Variants in ERBB4 observed in about 807,000 individuals in gnomAD.
ERBB4 encodes the protein receptor tyrosine-protein kinase erbB-4.
Under a neutral mutation model 158.0 loss-of-function variants are expected in ERBB4, and 42 were observed. That is an observed-to-expected ratio of 0.27 (90% CI 0.21 to 0.34). The LOEUF (loss-of-function observed/expected upper bound fraction) is 0.34. Ranked by LOEUF, ERBB4 falls within the 10% of genes least tolerant of loss-of-function variation. The probability of loss-of-function intolerance (pLI) is 1.00; values close to 1 mark genes in which losing one functional copy is unlikely to be tolerated. For missense variants in ERBB4, 1,333 were observed against 1,624.1 expected, an observed-to-expected ratio of 0.82 and a Z score of 3.08; for synonymous variants, 583 against 558.7, an observed-to-expected ratio of 1.04 and a Z score of -0.61.
intron 3 of ERBB4, among the ~76,000 whole-genome samples, chr2:211,809,667 G>A (rs2105911884): frequency 6.6e-6 from 1 of 152,170 alleles, no homozygotes; most frequent in Admixed American, 6.5e-5. Flanking sequence ...TTTTTTTGAA[G>A]GGGTTTTGGG....
At chr2:212,441,365 C>T (rs1560330103) in intron 1 of ERBB4, among the ~76,000 whole-genome samples, 2 of 152,164 alleles carry the variant, frequency 1.3e-5, no homozygotes. Context: ...ATAGCCTCCC[C>T]TGAGGCAGTT....
intron 12 of ERBB4, among the ~76,000 whole-genome samples, chr2:211,682,986 G>T (rs1303369489): frequency 6.7e-6 from 1 of 150,364 alleles, no homozygotes; most frequent in East Asian, 1.9e-4. Flanking sequence ...TGGATAAATT[G>T]ATTATTAAAA....
chr2:211,908,850 C>G (rs2079466446), intron 3 of ERBB4, among the ~76,000 whole-genome samples: 1 of 151,490 alleles, frequency 6.6e-6, no homozygotes, highest in Non-Finnish European at 1.5e-5. Flanking sequence ...ATAGACTTGG[C>G]CTTTATTTAT....
intron 2 of ERBB4, among the ~76,000 whole-genome samples, chr2:211,952,863 A>G (rs2685006): frequency 0.4 from 61,324 of 151,728 alleles, 14,237 homozygotes; most frequent in African/African-American, 0.64. Flanking sequence ...AACTGCCTGC[A>G]GACAATCTGA....
chr2:211,954,706 T>C (rs1439579426), intron 2 of ERBB4, among the ~76,000 whole-genome samples: 1 of 152,076 alleles, frequency 6.6e-6, no homozygotes, highest in Non-Finnish European at 1.5e-5. Flanking sequence ...GCAGAATTTA[T>C]GTGTTCTCTG....
At chr2:212,442,845 A>C (rs533798320) in intron 1 of ERBB4, among the ~76,000 whole-genome samples, 1 of 152,354 alleles carries the variant, frequency 6.6e-6, no homozygotes, top group South Asian at 2.1e-4. Context: ...GAAGGACTGC[A>C]GAGATTAGCG....
At chr2:211,661,328 G>A (rs900123110) in intron 15 of ERBB4, among the ~76,000 whole-genome samples, 1 of 151,958 alleles carries the variant, frequency 6.6e-6, no homozygotes. Flanking sequence ...CAGAACAACA[G>A]AAACACAAAA....
chr2:212,077,380 C>T (rs945177762), intron 2 of ERBB4, among the ~76,000 whole-genome samples: 2 of 151,816 alleles, frequency 1.3e-5, no homozygotes, highest in Non-Finnish European at 2.9e-5. Context: ...TTCAGATGCT[C>T]ATCAACAGTA....
chr2:211,608,857 C>A (rs773003078), intron 19 of ERBB4, among the ~76,000 whole-genome samples: 1 of 152,114 alleles, frequency 6.6e-6, no homozygotes, highest in Non-Finnish European at 1.5e-5. Context: ...TTAATATATT[C>A]AGTTAATTTG....
intron 3 of ERBB4, among the ~76,000 whole-genome samples, chr2:211,843,090 G>A (rs1276154889): frequency 2.0e-5 from 3 of 152,052 alleles, no homozygotes; most frequent in Non-Finnish European, 4.4e-5. Context: ...ACTAACATAA[G>A]TTCTATGTTA....
intron 20 of ERBB4, among the ~76,000 whole-genome samples, chr2:211,480,560 C>T (rs758191228): frequency 2.4e-4 from 37 of 152,088 alleles, no homozygotes; most frequent in Non-Finnish European, 4.7e-4. Flanking sequence ...GCTGCCTGTA[C>T]AAGCCATGGA....
chr2:211,831,226 AG>A (rs1206233648), intron 3 of ERBB4, among the ~76,000 whole-genome samples: 1 of 152,164 alleles, frequency 6.6e-6, no homozygotes, highest in Non-Finnish European at 1.5e-5. Flanking sequence ...TCAAAATTTC[AG>A]AGTTAAGTGG....
At chr2:211,830,289 G>C (rs1009670677) in intron 3 of ERBB4, among the ~76,000 whole-genome samples, 1 of 152,064 alleles carries the variant, frequency 6.6e-6, no homozygotes, top group Non-Finnish European at 1.5e-5. Context: ...GGCATCATCA[G>C]TATCTGCTTC....
chr2:211,704,958 GTTTTT>G (rs1263805077), intron 10 of ERBB4, among the ~76,000 whole-genome samples: 1 of 151,804 alleles, frequency 6.6e-6, no homozygotes, highest in Non-Finnish European at 1.5e-5. Flanking sequence ...GTTTTGTTTT[GTTTTT>G]TGTTGTTATT....
chr2:211,606,233 C>A (rs375349861), intron 19 of ERBB4, among the ~76,000 whole-genome samples: 8 of 151,948 alleles, frequency 5.3e-5, no homozygotes, highest in Non-Finnish European at 7.4e-5. Flanking sequence ...ACCCTGCTAG[C>A]GGAATTATAT....
intron 12 of ERBB4, among the ~76,000 whole-genome samples, chr2:211,697,203 C>T (rs973644702): frequency 6.6e-6 from 1 of 152,098 alleles, no homozygotes; most frequent in African/African-American, 2.4e-5. Flanking sequence ...TAGAGTCTGG[C>T]ACCTTTTAGC....
chr2:212,168,922 C>T (rs2081428508), intron 1 of ERBB4, among the ~76,000 whole-genome samples: 1 of 151,956 alleles, frequency 6.6e-6, no homozygotes, highest in African/African-American at 2.4e-5. Context: ...ATAGAAGTAC[C>T]TAAAGATTTT....
At chr2:211,722,670 G>T in intron 6 of ERBB4, 136 bp from the exon 7 acceptor site, 1 of 951,054 alleles carries the variant, frequency 1.1e-6, no homozygotes, top group Non-Finnish European at 1.6e-6. Flanking sequence ...TAAGAGTCAT[G>T]TGTGTTTCCA....
intron 2 of ERBB4, among the ~76,000 whole-genome samples, chr2:212,024,894 A>G (rs1036338574): frequency 6.6e-6 from 1 of 151,868 alleles, no homozygotes; most frequent in Non-Finnish European, 1.5e-5. Context: ...AGGACAATTT[A>G]GTTCACATTC....
Sources: gnomAD v4.1 joint callset for allele counts (sites outside exome capture counted in the v4.1 genomes callset) on GRCh38, gnomAD v4.1.1 for gene constraint, MANE v1.5 for transcripts, NCBI Gene and HGNC (gene_info 2026-07-23, HGNC 2026-07-21) for gene names.